NDFIP2: variants seen among roughly 807,000 people sequenced by gnomAD.
NDFIP2 encodes NEDD4 family-interacting protein 2.
Under a neutral mutation model 36.0 loss-of-function variants are expected in NDFIP2, and 19 were observed. The observed-to-expected ratio is 0.53, with a 90% CI of 0.37 to 0.77. NDFIP2 has a LOEUF of 0.77. Ranked by LOEUF, NDFIP2 falls within the 30% of genes least tolerant of loss-of-function variation. The pLI, the probability that NDFIP2 is intolerant of heterozygous loss-of-function variation, is 0.00. For synonymous variants in NDFIP2, 181 were observed against 167.7 expected (o/e 1.08, Z -0.61); for missense variants, 446 against 435.8 (o/e 1.02, Z -0.21).
rs1228113507 is a variant in NDFIP2, at chr13:79,554,899, C to A, written c.*2386C>A. On this transcript the variant is annotated 3_prime_UTR_variant, in exon 8 of 8. Coordinates refer to ENST00000218652, the MANE Select transcript of NDFIP2 (RefSeq NM_019080.3). ...ATAAGCTAGTCATGGCTAGGATAAT[C>A]CATTTTCATGTATTTATGCAATAAA... 1 of 151,774 alleles carries A rather than the reference C, an allele frequency of 6.6e-6. No homozygotes were observed. Among genetic ancestry groups the A allele is most frequent in the East Asian group, 1.9e-4 (1 of 5,192 alleles). 9.4% of individuals were successfully genotyped at this position (151,774 alleles called of 1,614,324 possible).
chr13:79,550,952 T>C, intron 6 of NDFIP2, 65 bp from the exon 7 acceptor site: 1 of 932,268 alleles, frequency 1.1e-6, no homozygotes, highest in Middle Eastern at 3.0e-4. Context: ...ATTGTCTACT[T>C]TAAATTTATC....
chr13:79,533,318 T>C lies in NDFIP2; in HGVS notation c.488-5T>C, dbSNP rs758950604. Reference sequence around the variant, plus strand: ...TTGGTTATTCTTTTTGAATTCTTTCTTCAGATACAGAAGTTTACGGTGAGT... The same window carrying C: ...TTGGTTATTCTTTTTGAATTCTTTCCTCAGATACAGAAGTTTACGGTGAGT... On this transcript the variant is annotated splice_polypyrimidine_tract_variant and splice_region_variant and intron_variant, in intron 2 of 7. Transcript: ENST00000218652. 1.9e-6 allele frequency: 3 copies of C among 1,591,448 alleles called. No homozygotes were observed. The highest frequency in any genetic ancestry group is 2.7e-5 in the African/African-American group (2 of 73,542).
chr13:79,490,251 A>G (rs1464843809), intron 1 of NDFIP2, among the ~76,000 whole-genome samples: 1 of 152,238 alleles, frequency 6.6e-6, no homozygotes, highest in Non-Finnish European at 1.5e-5. Context: ...CCCCTGGCAC[A>G]TGCTCCATTG....
intron 6 of NDFIP2, among the ~76,000 whole-genome samples, chr13:79,550,414 C>T (rs1875858586): frequency 6.6e-6 from 1 of 151,500 alleles, no homozygotes; most frequent in Admixed American, 6.6e-5. Flanking sequence ...TCTTTTCTAA[C>T]TCATCTTAAT....
intron 1 of NDFIP2, among the ~76,000 whole-genome samples, chr13:79,484,261 C>T (rs192689041): frequency 3.5e-4 from 53 of 152,124 alleles, no homozygotes; most frequent in African/African-American, 1.2e-3. Flanking sequence ...ATAATCTGCC[C>T]GCCTTGGCCT....
At chr13:79,535,510 T>A (rs1875200139) in intron 3 of NDFIP2, among the ~76,000 whole-genome samples, 1 of 152,206 alleles carries the variant, frequency 6.6e-6, no homozygotes, top group African/African-American at 2.4e-5. Flanking sequence ...AAAAGCTCCC[T>A]GTTTTTACCT....
At chr13:79,505,112 C>T (rs1344129502) in intron 1 of NDFIP2, among the ~76,000 whole-genome samples, 1 of 152,194 alleles carries the variant, frequency 6.6e-6, no homozygotes, top group Non-Finnish European at 1.5e-5. Flanking sequence ...ACTGTTTACA[C>T]TTACACATGG....
At chr13:79,483,366 G>A (rs563729058) in intron 1 of NDFIP2, among the ~76,000 whole-genome samples, 1 of 152,024 alleles carries the variant, frequency 6.6e-6, no homozygotes, top group South Asian at 2.1e-4. Context: ...GTTTATAATG[G>A]CCTGATTAAT....
At chr13:79,544,409 A>G (rs1241023212) in intron 5 of NDFIP2, among the ~76,000 whole-genome samples, 4 of 152,008 alleles carry the variant, frequency 2.6e-5, no homozygotes, top group African/African-American at 4.8e-5. Flanking sequence ...TAAAAATTGC[A>G]TAGGCATTAG....
chr13:79,489,820 C>G (rs530252223), intron 1 of NDFIP2, among the ~76,000 whole-genome samples: 28 of 152,242 alleles, frequency 1.8e-4, no homozygotes, highest in African/African-American at 6.5e-4. Flanking sequence ...AAATTTTATG[C>G]TGGATTTCAT....
At chr13:79,522,056 C>T (rs796123696) in intron 2 of NDFIP2, among the ~76,000 whole-genome samples, 5 of 152,116 alleles carry the variant, frequency 3.3e-5, no homozygotes, top group African/African-American at 1.2e-4. Flanking sequence ...TCTCTATCTC[C>T]TGACCTCGTG....
intron 6 of NDFIP2, among the ~76,000 whole-genome samples, chr13:79,550,026 T>A (rs1395398299): frequency 2.0e-5 from 3 of 151,890 alleles, no homozygotes; most frequent in Non-Finnish European, 4.4e-5. Flanking sequence ...AGTTTGAGAC[T>A]TCATATTTTA....
In NDFIP2 at chr13:79,484,572, G is replaced by C. The variant is rs530036436; in HGVS notation, c.321+3048G>C. Among the ~76,000 whole-genome samples the C allele has an allele frequency of 7.2e-5, 11 of 152,224 alleles. No homozygotes were observed. In the South Asian group the frequency reaches 2.3e-3, roughly 32 times the overall value. Reference sequence around the variant, plus strand: ...TTTAACCTAGCTCTTCCTAATCTTTGTTTTGTTTTGTTCTTTGTTTTTAAA... The same window carrying C: ...TTTAACCTAGCTCTTCCTAATCTTTCTTTTGTTTTGTTCTTTGTTTTTAAA... On this transcript the variant is annotated intron_variant, in intron 1 of 7. Coordinates refer to ENST00000218652, the MANE Select transcript of NDFIP2 (RefSeq NM_019080.3).
chr13:79,522,277 A>G (rs528043228), intron 2 of NDFIP2, among the ~76,000 whole-genome samples: 2 of 152,344 alleles, frequency 1.3e-5, no homozygotes, highest in Admixed American at 1.3e-4. Context: ...ATTATATGCT[A>G]AATAGTAATT....
chr13:79,521,100 A>G (rs1191822331), intron 2 of NDFIP2, 125 bp downstream of exon 2: 2 of 762,218 alleles, frequency 2.6e-6, no homozygotes, highest in Non-Finnish European at 4.1e-6. Flanking sequence ...ATATATGTAT[A>G]TACATACTGT....
chr13:79,537,061 T>C (rs1218916590), intron 3 of NDFIP2, among the ~76,000 whole-genome samples: 1 of 151,794 alleles, frequency 6.6e-6, no homozygotes, highest in African/African-American at 2.4e-5. Flanking sequence ...TTTTTTTTTT[T>C]TCCTAAATGA....
rs141239147 is a variant in NDFIP2 at position 79,524,192 on chromosome 13, G to A, written c.487+3217G>A. On this transcript the variant is annotated intron_variant, in intron 2 of 7. Coordinates refer to ENST00000218652, the MANE Select transcript of NDFIP2 (RefSeq NM_019080.3). ...TCCTCATTATTAACACTTCTTGATG[G>A]CCATCAGTATGCCCTTCTACTTCTT... Among the ~76,000 whole-genome samples the A allele has an allele frequency of 3.9e-5, 6 of 152,064 alleles. No individual in the cohort carries two copies. In the East Asian group the frequency reaches 1.2e-3, roughly 29 times the overall value.
intron 4 of NDFIP2, among the ~76,000 whole-genome samples, chr13:79,541,438 A>G (rs1875452299): frequency 6.6e-6 from 1 of 151,146 alleles, no homozygotes; most frequent in Non-Finnish European, 1.5e-5. Flanking sequence ...GATTTAATAT[A>G]TATTTTACTA....
chr13:79,535,388 A>G (rs17071373), intron 3 of NDFIP2, among the ~76,000 whole-genome samples: 6,770 of 152,228 alleles, frequency 0.044, 528 homozygotes, highest in African/African-American at 0.16. Flanking sequence ...ACCCCTTTTG[A>G]AGAGAAAAGT....
Sources: gnomAD v4.1 joint callset for allele counts (sites outside exome capture counted in the v4.1 genomes callset) on GRCh38, gnomAD v4.1.1 for gene constraint, MANE v1.5 for transcripts, NCBI Gene and HGNC (gene_info 2026-07-23, HGNC 2026-07-21) for gene names.